The following SLC25A48 variants were observed in gnomAD, a reference collection of about 807,000 sequenced individuals.
SLC25A48 encodes the protein CTC-321K16.1.
Under a neutral mutation model 32.2 loss-of-function variants are expected in SLC25A48, and 29 were observed. The observed-to-expected ratio is 0.90, with a 90% confidence interval of 0.67 to 1.23. The LOEUF (loss-of-function observed/expected upper bound fraction) is 1.23, where lower values mean the gene tolerates loss of function less well. SLC25A48 is among the 50% of genes most tolerant of loss of function. The pLI is 0.00. For missense variants in SLC25A48, 399 were observed against 422.7 expected, an observed-to-expected ratio of 0.94 and a Z score of 0.49; for synonymous variants, 164 against 172.3, an observed-to-expected ratio of 0.95 and a Z score of 0.38.
intron 3 of SLC25A48, among the ~76,000 whole-genome samples, chr5:135,728,841 T>TACACACAC (rs33918902): frequency 0.01 from 1,486 of 141,596 alleles, 22 homozygotes; most frequent in East Asian, 0.047. Context: ...CATACACAAA[T>TACACACAC]ACACACACAC....
intron 4 of SLC25A48, among the ~76,000 whole-genome samples, chr5:135,866,470 C>G (rs1761212881): frequency 6.6e-6 from 1 of 152,200 alleles, no homozygotes; most frequent in South Asian, 2.1e-4. Flanking sequence ...GGAAAAGGGG[C>G]AATAGTGGTA....
chr5:135,809,042 C>T (rs1757535209), intron 3 of SLC25A48, among the ~76,000 whole-genome samples: 1 of 152,040 alleles, frequency 6.6e-6, no homozygotes, highest in South Asian at 2.1e-4. Context: ...GGGCTCATGC[C>T]TGTCATCCCA....
At chr5:135,667,859 A>C (rs1753559478) in intron 3 of SLC25A48, among the ~76,000 whole-genome samples, 3 of 152,240 alleles carry the variant, frequency 2.0e-5, no homozygotes, top group Admixed American at 1.3e-4. Flanking sequence ...CAGGAGGGAA[A>C]AAGATTGTTC....
At chr5:135,831,360 G>A (rs1345634143), upstream of SLC25A48, among the ~76,000 whole-genome samples, 2 of 152,230 alleles carry the variant, frequency 1.3e-5, no homozygotes, top group Admixed American at 6.5e-5. Context: ...CATCAGGCCT[G>A]CGCCAGGCTC....
At chr5:135,704,094 G>C (rs540291419) in intron 3 of SLC25A48, among the ~76,000 whole-genome samples, 221 of 152,308 alleles carry the variant, frequency 1.5e-3, no homozygotes, top group Non-Finnish European at 2.6e-3. Context: ...TTGAAGTTAT[G>C]AAGAAGGCAA....
intron 1 of SLC25A48, among the ~76,000 whole-genome samples, chr5:135,598,319 A>G (rs1420115800): frequency 1.3e-5 from 2 of 152,148 alleles, no homozygotes; most frequent in African/African-American, 4.8e-5. Flanking sequence ...GCATTATCTC[A>G]TTTAACAGCA....
At chr5:135,816,650 A>T (rs567907822) in intron 4 of SLC25A48, among the ~76,000 whole-genome samples, 1 of 152,258 alleles carries the variant, frequency 6.6e-6, no homozygotes, top group Non-Finnish European at 1.5e-5. Context: ...GAGACTGTTA[A>T]AAGTTGGTTA....
chr5:135,635,708 A>G (rs1034028226), intron 3 of SLC25A48, among the ~76,000 whole-genome samples: 2 of 152,182 alleles, frequency 1.3e-5, no homozygotes, highest in African/African-American at 2.4e-5. Flanking sequence ...GCTGGTTTCA[A>G]TTTACCAACA....
chr5:135,771,454 A>G (rs1176814375), intron 3 of SLC25A48, among the ~76,000 whole-genome samples: 1 of 151,250 alleles, frequency 6.6e-6, no homozygotes, highest in Non-Finnish European at 1.5e-5. Flanking sequence ...GGGTGATATA[A>G]TTTTCCACAT....
rs560585662 is a variant in SLC25A48 at position 135,884,862 on chromosome 5, C to T, written c.*8-3170C>T. Among the ~76,000 whole-genome samples the T allele has an allele frequency of 3.6e-4, 53 of 147,264 alleles. No individual in the cohort carries two copies. The East Asian group carries it at 7.9e-3, about 22-fold the overall frequency. ...GATGAGGCTGAGATGCAACAACCAC[C>T]TTCTTCAGGTGTCTGAGCTTTTCCT... On this transcript the variant is annotated intron_variant, in intron 7 of 7. Coordinates refer to ENST00000681962, the MANE Select transcript of SLC25A48 (RefSeq NM_001349336.2).
chr5:135,585,257 T>C (rs912306751), intron 1 of SLC25A48, among the ~76,000 whole-genome samples: 1 of 152,220 alleles, frequency 6.6e-6, no homozygotes, highest in Admixed American at 6.5e-5. Context: ...CCCTGTTCCA[T>C]GTTTGCAGCA....
intron 3 of SLC25A48, among the ~76,000 whole-genome samples, chr5:135,764,831 T>A (rs183490111): frequency 6.7e-6 from 1 of 150,062 alleles, no homozygotes; most frequent in East Asian, 2.0e-4. Context: ...TGTGAGATGG[T>A]TCGCAATATC....
At chr5:135,675,790 G>C (rs1012161736) in intron 3 of SLC25A48, among the ~76,000 whole-genome samples, 3 of 152,024 alleles carry the variant, frequency 2.0e-5, no homozygotes, top group Non-Finnish European at 4.4e-5. Context: ...ATTGCTTTGG[G>C]CAATATGGTC....
intron 3 of SLC25A48, among the ~76,000 whole-genome samples, chr5:135,769,388 C>A (rs1210397673): frequency 6.6e-6 from 1 of 150,512 alleles, no homozygotes; most frequent in Non-Finnish European, 1.5e-5. Flanking sequence ...GGAGTGAACA[C>A]CACTCAGTGA....
intron 3 of SLC25A48, among the ~76,000 whole-genome samples, chr5:135,707,262 G>A: frequency 6.6e-6 from 1 of 152,132 alleles, no homozygotes; most frequent in Non-Finnish European, 1.5e-5. Flanking sequence ...GACCCCATCT[G>A]ATAAGCCAGC....
intron 1 of SLC25A48, among the ~76,000 whole-genome samples, chr5:135,608,412 C>G (rs370738093): frequency 6.6e-6 from 1 of 152,200 alleles, no homozygotes; most frequent in East Asian, 1.9e-4. Flanking sequence ...GTATGTATAG[C>G]TCAAGTTAGA....
At chr5:135,758,166 C>T (rs1755969545) in intron 3 of SLC25A48, among the ~76,000 whole-genome samples, 1 of 150,600 alleles carries the variant, frequency 6.6e-6, no homozygotes, top group African/African-American at 2.4e-5. Flanking sequence ...AGAATACCAT[C>T]TCTATAATAT....
intron 3 of SLC25A48, among the ~76,000 whole-genome samples, chr5:135,851,107 A>G (rs777755283): frequency 3.9e-5 from 6 of 152,188 alleles, no homozygotes; most frequent in Non-Finnish European, 7.3e-5. Flanking sequence ...TAAAGAAACC[A>G]TCAGGTGGAA....
chr5:135,719,478 C>T (rs1001051788), intron 3 of SLC25A48, among the ~76,000 whole-genome samples: 6 of 151,974 alleles, frequency 3.9e-5, no homozygotes, highest in Non-Finnish European at 8.8e-5. Context: ...CCCATGGAGC[C>T]CAAGGGAAGG....
Sources: allele counts gnomAD v4.1 joint callset (sites outside exome capture counted in the v4.1 genomes callset), GRCh38; gene constraint gnomAD v4.1.1; transcripts MANE v1.5; gene names NCBI Gene and HGNC (gene_info 2026-07-23, HGNC 2026-07-21).